The following CSMD1 variants were observed in gnomAD, a reference collection of about 807,000 sequenced individuals.
CSMD1 encodes the protein CUB and sushi domain-containing protein 1.
Under a neutral mutation model 417.5 loss-of-function variants are expected in CSMD1, and 213 were observed. That is an observed-to-expected ratio of 0.51 (90% CI 0.46 to 0.57). The LOEUF (loss-of-function observed/expected upper bound fraction) is 0.57. Among genes scored for constraint, CSMD1 ranks in the 20% least tolerant of loss-of-function variants. The probability of loss-of-function intolerance (pLI) is 0.00; values close to 1 mark genes in which losing one functional copy is unlikely to be tolerated. For missense variants in CSMD1, 6,923 were observed against 4,529.7 expected, an observed-to-expected ratio of 1.53 and a Z score of -15.17; for synonymous variants, 2,862 against 1,736.8, an observed-to-expected ratio of 1.65 and a Z score of -16.11.
intron 1 of CSMD1, among the ~76,000 whole-genome samples, chr8:4,859,881 A>C (rs912274229): frequency 1.4e-4 from 22 of 152,078 alleles, no homozygotes; most frequent in African/African-American, 5.1e-4. Flanking sequence ...AACTGGAAAT[A>C]CCATTTGACC....
At chr8:3,049,576 G>C (rs983887524) in intron 50 of CSMD1, among the ~76,000 whole-genome samples, 8 of 152,040 alleles carry the variant, frequency 5.3e-5, no homozygotes, top group Non-Finnish European at 1.2e-4. Context: ...GTCAGGGGTT[G>C]GATGCAGGAA....
intron 11 of CSMD1, among the ~76,000 whole-genome samples, chr8:3,470,317 T>C (rs151012626): frequency 6.6e-6 from 1 of 152,304 alleles, no homozygotes; most frequent in African/African-American, 2.4e-5. Context: ...TAAACACAAG[T>C]AGGGGATGAT....
intron 12 of CSMD1, among the ~76,000 whole-genome samples, chr8:3,462,012 C>T (rs1816536394): frequency 6.6e-6 from 1 of 152,124 alleles, no homozygotes; most frequent in African/African-American, 2.4e-5. Flanking sequence ...GAAACGAGGC[C>T]AGTCAGAATC....
intron 1 of CSMD1, among the ~76,000 whole-genome samples, chr8:4,701,118 A>G (rs1245100174): frequency 6.6e-6 from 1 of 151,564 alleles, no homozygotes; most frequent in African/African-American, 2.4e-5. Flanking sequence ...GAATGTTGCA[A>G]CTCCTTCAAA....
intron 1 of CSMD1, among the ~76,000 whole-genome samples, chr8:4,659,516 A>C (rs1256202167): frequency 6.6e-6 from 1 of 152,146 alleles, no homozygotes; most frequent in Non-Finnish European, 1.5e-5. Context: ...AAAACATGCT[A>C]AGTGGAAGAA....
At chr8:4,139,119 G>A (rs976553283) in intron 3 of CSMD1, among the ~76,000 whole-genome samples, 6 of 152,052 alleles carry the variant, frequency 3.9e-5, no homozygotes, top group Non-Finnish European at 7.3e-5. Context: ...GAAGACCCCT[G>A]TGATTCTAAT....
intron 3 of CSMD1, among the ~76,000 whole-genome samples, chr8:4,415,764 A>C (rs1257779042): frequency 6.6e-6 from 1 of 152,212 alleles, no homozygotes; most frequent in Non-Finnish European, 1.5e-5. Flanking sequence ...TGCACGTATA[A>C]GTATGGATAG....
At chr8:4,172,274 G>C (rs75377972) in intron 3 of CSMD1, among the ~76,000 whole-genome samples, 3 of 152,108 alleles carry the variant, frequency 2.0e-5, no homozygotes, top group Non-Finnish European at 4.4e-5. Flanking sequence ...AATCCTCTTT[G>C]TTTCCTCTTG....
At chr8:4,232,299 A>G (rs1801784257) in intron 3 of CSMD1, among the ~76,000 whole-genome samples, 2 of 152,124 alleles carry the variant, frequency 1.3e-5, no homozygotes, top group South Asian at 4.1e-4. Flanking sequence ...CCCAGGTTCA[A>G]GTAATTCTCC....
At chr8:4,662,336 G>C (rs1251722964) in intron 1 of CSMD1, among the ~76,000 whole-genome samples, 2 of 152,136 alleles carry the variant, frequency 1.3e-5, no homozygotes, top group Non-Finnish European at 2.9e-5. Context: ...ATGAGGGAAA[G>C]CAGAGGGGGC....
chr8:2,938,682 G>A lies in CSMD1; in HGVS notation c.10598C>T (p.Ser3533Leu), dbSNP rs764398530. 11 of 1,611,768 alleles carry A rather than the reference G, an allele frequency of 6.8e-6. No homozygotes were observed. The highest frequency in any genetic ancestry group is 1.6e-4 in the Middle Eastern group (1 of 6,062). Residue 3533 changes from serine to leucine, a missense_variant, in exon 70 of 70, where the codon TCG becomes TTG. Physicochemically the swap from Ser to Leu is moderately radical, Grantham distance 145 (BLOSUM62 -2). Transcript: ENST00000635120. ...TGTATCATACATGGGGTTTTCAAAC[G>A]ATGCTTGTCCATTGCTGTTTTCATG... ...AGHENSNGQA[S>L]FENPMYDTNL...
intron 5 of CSMD1, among the ~76,000 whole-genome samples, chr8:3,879,655 G>A (rs934562566): frequency 2.0e-5 from 3 of 152,122 alleles, no homozygotes; most frequent in Non-Finnish European, 4.4e-5. Flanking sequence ...CTTTTTCTGT[G>A]TAGACACCAA....
At chr8:4,274,097 G>A (rs976811089) in intron 3 of CSMD1, among the ~76,000 whole-genome samples, 2 of 152,056 alleles carry the variant, frequency 1.3e-5, no homozygotes, top group Non-Finnish European at 2.9e-5. Flanking sequence ...TTACTATATG[G>A]AACATATTAA....
intron 1 of CSMD1, among the ~76,000 whole-genome samples, chr8:4,931,065 T>C (rs75848856): frequency 0.035 from 5,273 of 152,326 alleles, 129 homozygotes; most frequent in Non-Finnish European, 0.054. Flanking sequence ...TTATCTGTAA[T>C]AATTGGCTTG....
chr8:4,080,712 A>C (rs1173782247), intron 3 of CSMD1, among the ~76,000 whole-genome samples: 1 of 152,188 alleles, frequency 6.6e-6, no homozygotes, highest in Non-Finnish European at 1.5e-5. Flanking sequence ...CTATTCTTTC[A>C]TTTCTGCCAT....
chr8:3,014,143 T>C (rs1371911757), intron 52 of CSMD1, among the ~76,000 whole-genome samples: 1 of 152,168 alleles, frequency 6.6e-6, no homozygotes, highest in Non-Finnish European at 1.5e-5. Flanking sequence ...CATCATCCAA[T>C]ATTATTTTCA....
At chr8:3,320,327 T>G (rs2117473612) in intron 23 of CSMD1, among the ~76,000 whole-genome samples, 1 of 152,274 alleles carries the variant, frequency 6.6e-6, no homozygotes, top group African/African-American at 2.4e-5. Flanking sequence ...CCCTGCCTCG[T>G]GCCTCCTTCA....
chr8:3,985,259 A>G (rs774359360), intron 5 of CSMD1, among the ~76,000 whole-genome samples: 3 of 152,212 alleles, frequency 2.0e-5, no homozygotes, highest in Non-Finnish European at 2.9e-5. Flanking sequence ...CATGCTTTAC[A>G]AATTTCCCAC....
chr8:4,466,090 A>G (rs1800149471), intron 2 of CSMD1, among the ~76,000 whole-genome samples: 1 of 152,232 alleles, frequency 6.6e-6, no homozygotes, highest in East Asian at 1.9e-4. Flanking sequence ...GAGATTAAAT[A>G]TCATGACACC....
Sources: gnomAD v4.1 joint callset for allele counts (sites outside exome capture counted in the v4.1 genomes callset) on GRCh38, gnomAD v4.1.1 for gene constraint, MANE v1.5 for transcripts, NCBI Gene and HGNC (gene_info 2026-07-23, HGNC 2026-07-21) for gene names.